The following SLC8A1 variants were observed in gnomAD, a reference collection of about 807,000 sequenced individuals.
SLC8A1 encodes the protein sodium/calcium exchanger 1.
A neutral mutation model predicts 68.3 loss-of-function variants in SLC8A1; 18 were observed. The ratio of observed to expected loss-of-function variants is 0.26; its 90% CI spans 0.18 to 0.39. The LOEUF (loss-of-function observed/expected upper bound fraction) is 0.39. SLC8A1 is among the 10% of genes least tolerant of loss of function. The probability of loss-of-function intolerance (pLI) is 1.00; values close to 1 mark genes in which losing one functional copy is unlikely to be tolerated. For synonymous variants in SLC8A1, 475 were observed against 415.5 expected (o/e 1.14, Z -1.74); for missense variants, 985 against 1,156.7 (o/e 0.85, Z 2.15).
intron 2 of SLC8A1, among the ~76,000 whole-genome samples, chr2:40,396,394 T>C (rs980381785): frequency 1.7e-4 from 26 of 152,298 alleles, no homozygotes; most frequent in African/African-American, 5.8e-4. Context: ...AAACCACTTA[T>C]ACTCCAGGTT....
intron 1 of SLC8A1, among the ~76,000 whole-genome samples, chr2:40,462,824 A>C (rs890676425): frequency 6.6e-6 from 1 of 152,060 alleles, no homozygotes; most frequent in African/African-American, 2.4e-5. Flanking sequence ...ATATAAAATA[A>C]AATAAAATAA....
At chr2:40,347,884 GATAAA>G (rs1204081471) in intron 2 of SLC8A1, among the ~76,000 whole-genome samples, 6 of 152,156 alleles carry the variant, frequency 3.9e-5, no homozygotes, top group African/African-American at 1.4e-4. Flanking sequence ...AAGATAAGGA[GATAAA>G]ATAAAACAAT....
In SLC8A1 at chr2:40,326,692, G is replaced by C. The variant is rs1355156446; in HGVS notation, c.1808+101781C>G. On this transcript the variant is annotated intron_variant, in intron 2 of 7. Transcript: ENST00000406785. ...TTTCTGGTACTGATCAATGGTTATG[G>C]TCATCACTACTATGGGCTACTAATG... 4.6e-5 allele frequency among the ~76,000 whole-genome samples: 7 copies of C among 152,138 alleles called. No individual in the cohort carries two copies. The East Asian group carries it at 1.4e-3, about 29-fold the overall frequency.
chr2:40,184,170 C>T (rs572679091), intron 2 of SLC8A1, among the ~76,000 whole-genome samples: 1 of 152,114 alleles, frequency 6.6e-6, no homozygotes, highest in South Asian at 2.1e-4. Context: ...GAGTGAGACA[C>T]TGTCTCAATC....
At chr2:40,422,421 A>T (rs966356489) in intron 2 of SLC8A1, among the ~76,000 whole-genome samples, 1 of 152,206 alleles carries the variant, frequency 6.6e-6, no homozygotes, top group Non-Finnish European at 1.5e-5. Flanking sequence ...AAGCAAAATA[A>T]CAGCAAATAA....
chr2:40,494,992 TA>T (rs570733253), intron 1 of SLC8A1, among the ~76,000 whole-genome samples: 2 of 151,446 alleles, frequency 1.3e-5, no homozygotes, highest in Admixed American at 6.6e-5. Flanking sequence ...AAGATTGAAG[TA>T]AAAAAAATCA....
chr2:40,171,775 G>T (rs1461158560), intron 4 of SLC8A1, among the ~76,000 whole-genome samples: 1 of 152,186 alleles, frequency 6.6e-6, no homozygotes, highest in Non-Finnish European at 1.5e-5. Flanking sequence ...ACTCTAATGA[G>T]TTATAATATT....
intron 2 of SLC8A1, among the ~76,000 whole-genome samples, chr2:40,261,994 C>T (rs1450323944): frequency 1.4e-5 from 2 of 147,596 alleles, no homozygotes; most frequent in African/African-American, 2.5e-5. Flanking sequence ...GACAGAATCT[C>T]ACTCTGTGGC....
chr2:40,125,762 AAAG>A (rs1307195973), intron 7 of SLC8A1, among the ~76,000 whole-genome samples: 1 of 152,130 alleles, frequency 6.6e-6, no homozygotes, highest in African/African-American at 2.4e-5. Flanking sequence ...AAAGAAAAGA[AAAG>A]AAAAAAAGGC....
chr2:40,400,563 A>G (rs890242568), intron 2 of SLC8A1, among the ~76,000 whole-genome samples: 1 of 152,132 alleles, frequency 6.6e-6, no homozygotes, highest in African/African-American at 2.4e-5. Flanking sequence ...TAAAACTTTC[A>G]TGGATCACAT....
chr2:40,452,275 G>T (rs923393842), upstream of SLC8A1, among the ~76,000 whole-genome samples: 1 of 151,240 alleles, frequency 6.6e-6, no homozygotes, highest in African/African-American at 2.4e-5. Context: ...GGGGCCCCCT[G>T]CGCGCCCCTT....
intron 7 of SLC8A1, among the ~76,000 whole-genome samples, chr2:40,122,912 C>T (rs975593649): frequency 2.6e-5 from 4 of 152,072 alleles, no homozygotes; most frequent in East Asian, 1.9e-4. Context: ...TATCTGATAT[C>T]CTGCTGTATT....
chr2:40,386,016 G>A (rs1007383343), intron 2 of SLC8A1, among the ~76,000 whole-genome samples: 3 of 151,020 alleles, frequency 2.0e-5, no homozygotes, highest in Non-Finnish European at 2.9e-5. Context: ...TAAATTCTCC[G>A]AGTTTTCTTT....
chr2:40,325,680 T>C (rs2011906), intron 2 of SLC8A1, among the ~76,000 whole-genome samples: 1,826 of 146,682 alleles, frequency 0.012, 17 homozygotes, highest in Non-Finnish European at 0.02. Flanking sequence ...ACGCCTGTAA[T>C]CTCAGCACTT....
exon 8 of SLC8A1, chr2:40,106,571 T>G (rs1393901582): frequency 6.6e-6 from 1 of 152,224 alleles, no homozygotes; most frequent in Admixed American, 6.5e-5. Context: ...TAGACTTATC[T>G]GTCTCAAATA....
intron 2 of SLC8A1, among the ~76,000 whole-genome samples, chr2:40,421,243 T>A (rs917947481): frequency 2.6e-5 from 4 of 152,018 alleles, no homozygotes; most frequent in African/African-American, 9.7e-5. Flanking sequence ...AAAATCACCA[T>A]CACCAACAGC....
intron 1 of SLC8A1, among the ~76,000 whole-genome samples, chr2:40,477,793 G>C (rs1704384888): frequency 6.6e-6 from 1 of 152,056 alleles, no homozygotes; most frequent in South Asian, 2.1e-4. Flanking sequence ...GACCAACATG[G>C]GGAATGAATG....
At position 40,475,985 on chromosome 2, in the gene SLC8A1, A is replaced by C. The variant is rs76603634; in HGVS notation, c.-25+36364T>G. Among the ~76,000 whole-genome samples, 198 of 152,296 alleles carry C rather than the reference A, an allele frequency of 1.3e-3. 2 individuals are homozygous for C. The highest frequency in any genetic ancestry group is 4.6e-3 in the African/African-American group (193 of 41,560). On this transcript the variant is annotated intron_variant, in intron 1 of 7. Transcript: ENST00000402441. ...CTGTTCAAAAGATAATAACCTTAAC[A>C]AATTCCCAAACTCATTTTTTTCTTT... is the stretch of plus-strand genomic sequence containing the variant.
chr2:40,314,974 G>T (rs1490282607), intron 2 of SLC8A1, among the ~76,000 whole-genome samples: 4 of 151,890 alleles, frequency 2.6e-5, no homozygotes, highest in Non-Finnish European at 5.9e-5. Context: ...CAATCTGGAT[G>T]TAATTTTTTT....
Sources: allele counts gnomAD v4.1 joint callset (sites outside exome capture counted in the v4.1 genomes callset), GRCh38; gene constraint gnomAD v4.1.1; transcripts MANE v1.5; gene names NCBI Gene and HGNC (gene_info 2026-07-23, HGNC 2026-07-21).